The following TNFSF4 variants were observed in gnomAD, a reference collection of about 807,000 sequenced individuals.
TNFSF4 encodes tumor necrosis factor ligand superfamily member 4.
Under a neutral mutation model 7.3 loss-of-function variants are expected in TNFSF4, and 4 were observed. The observed-to-expected ratio is 0.55, with a 90% CI of 0.27 to 1.25. The LOEUF (loss-of-function observed/expected upper bound fraction) is 1.25, where lower values mean the gene tolerates loss of function less well. Ranked by LOEUF, TNFSF4 falls within the 50% of genes most tolerant of loss-of-function variation. TNFSF4 has a pLI of 0.12. For missense variants in TNFSF4, 181 were observed against 208.8 expected (o/e 0.87, Z 0.82); for synonymous variants, 76 against 83.7 (o/e 0.91, Z 0.50).
chr1:173,363,640 A>G, the TNFSF4 span: 4 of 380,450 alleles, frequency 1.1e-5, no homozygotes, highest in Non-Finnish European at 5.1e-6. Flanking sequence ...TGGATGTACT[A>G]CATTTGGAGA....
At chr1:173,399,745 C>T in the TNFSF4 span, among the ~76,000 whole-genome samples, 2 of 152,148 alleles carry the variant, frequency 1.3e-5, no homozygotes, top group Non-Finnish European at 2.9e-5. Context: ...TTTCCCCAAC[C>T]ACCCCTGTCA....
At chr1:173,392,280 C>T in the TNFSF4 span, among the ~76,000 whole-genome samples, 26 of 152,126 alleles carry the variant, frequency 1.7e-4, 1 homozygote, top group Admixed American at 1.7e-3. Context: ...AAAAATATTT[C>T]CAAATGTTAA....
the TNFSF4 span, among the ~76,000 whole-genome samples, chr1:173,413,565 G>A: frequency 6.6e-6 from 1 of 152,206 alleles, no homozygotes; most frequent in Non-Finnish European, 1.5e-5. Flanking sequence ...TGGAGGACTT[G>A]GTCATAGAAG....
the TNFSF4 span, among the ~76,000 whole-genome samples, chr1:173,176,364 G>A: frequency 6.6e-6 from 1 of 152,164 alleles, no homozygotes; most frequent in Non-Finnish European, 1.5e-5. Context: ...TCCCTCAGAT[G>A]TTGTGTCACT....
the TNFSF4 span, among the ~76,000 whole-genome samples, chr1:173,434,362 ACTT>A: frequency 6.6e-6 from 1 of 152,194 alleles, no homozygotes; most frequent in African/African-American, 2.4e-5. Context: ...CATTTTCTAA[ACTT>A]CTTTTTACAC....
the TNFSF4 span, among the ~76,000 whole-genome samples, chr1:173,439,032 CA>C: frequency 6.6e-6 from 1 of 152,186 alleles, no homozygotes; most frequent in African/African-American, 2.4e-5. Flanking sequence ...GAGTGAGTGA[CA>C]AGCTACGTGC....
At chr1:173,310,007 AGTTCTGT>A in the TNFSF4 span, among the ~76,000 whole-genome samples, 1 of 151,886 alleles carries the variant, frequency 6.6e-6, no homozygotes, top group Non-Finnish European at 1.5e-5. Context: ...AATGACTGTC[AGTTCTGT>A]ACTAATGTCA....
In TNFSF4 at chr1:173,186,847, C is replaced by G; in HGVS notation, c.221G>C (p.Gly74Ala). The G allele has an allele frequency of 6.3e-7, 1 of 1,598,488 alleles. No individual in the cohort carries two copies. The highest frequency in any genetic ancestry group is 1.1e-5 in the South Asian group (1 of 88,556). Residue 74 changes from glycine (G) to alanine (A), a missense_variant, in exon 3 of 3, where the codon GGT becomes GCT. Coordinates refer to ENST00000281834, the MANE Select transcript of TNFSF4 (RefSeq NM_003326.5). Reference sequence around the variant, plus strand: ...CTCCTTTTGGGAAGTGAGGATGAAACCTTTCTCCTTCTTATATTCTAGGGA... The same window carrying G: ...CTCCTTTTGGGAAGTGAGGATGAAAGCTTTCTCCTTCTTATATTCTAGGGA... Reference protein sequence around the residue: ...VQFTEYKKEKGFILTSQKEDE... With the variant: ...VQFTEYKKEKAFILTSQKEDE...
the TNFSF4 span, among the ~76,000 whole-genome samples, chr1:173,359,613 A>G: frequency 6.7e-6 from 1 of 148,784 alleles, no homozygotes. Context: ...ACATTGGCAT[A>G]TTGGATTACA....
At chr1:173,302,610 C>A in the TNFSF4 span, among the ~76,000 whole-genome samples, 1 of 151,960 alleles carries the variant, frequency 6.6e-6, no homozygotes, top group Non-Finnish European at 1.5e-5. Context: ...GTTCCTCCAA[C>A]TTCCAATCCC....
the TNFSF4 span, among the ~76,000 whole-genome samples, chr1:173,369,746 C>T: frequency 1.0e-3 from 158 of 152,218 alleles, no homozygotes; most frequent in African/African-American, 3.6e-3. Context: ...AAAATGGCCA[C>T]CTGAAGGGAG....
the TNFSF4 span, among the ~76,000 whole-genome samples, chr1:173,319,144 C>A: frequency 6.6e-6 from 1 of 152,298 alleles, no homozygotes; most frequent in East Asian, 1.9e-4. Context: ...CTAGGACAAT[C>A]AAGCTTGGTG....
the TNFSF4 span, among the ~76,000 whole-genome samples, chr1:173,264,393 C>G: frequency 6.7e-6 from 1 of 149,570 alleles, no homozygotes; most frequent in Non-Finnish European, 1.5e-5. Context: ...CTCCTGGGCC[C>G]AAGTGATTCT....
the TNFSF4 span, among the ~76,000 whole-genome samples, chr1:173,394,919 G>GATAGATAGATAGATAGAT: frequency 1.3e-4 from 19 of 150,010 alleles, no homozygotes; most frequent in African/African-American, 4.5e-4. Flanking sequence ...TAGATAGATA[G>GATAGATAGATAGATAGAT]AGATAGATAG....
At chr1:173,288,231 T>C in the TNFSF4 span, among the ~76,000 whole-genome samples, 2 of 152,098 alleles carry the variant, frequency 1.3e-5, no homozygotes, top group Non-Finnish European at 2.9e-5. Flanking sequence ...GGTGGGTGGA[T>C]TGCTTGATCT....
At chr1:173,415,955 G>T in the TNFSF4 span, among the ~76,000 whole-genome samples, 1 of 152,198 alleles carries the variant, frequency 6.6e-6, no homozygotes, top group Non-Finnish European at 1.5e-5. Flanking sequence ...GGAAGAAAAG[G>T]AATGTCATGA....
chr1:173,174,451 T>G, the TNFSF4 span: 1 of 152,216 alleles, frequency 6.6e-6, no homozygotes, highest in Admixed American at 6.5e-5. Context: ...CTCATGCTGC[T>G]ATAAAGAACT....
At chr1:173,236,529 T>G in the TNFSF4 span, among the ~76,000 whole-genome samples, 1 of 152,104 alleles carries the variant, frequency 6.6e-6, no homozygotes, top group Admixed American at 6.6e-5. Context: ...CCATGTTTAT[T>G]GTAGCAACCC....
chr1:173,317,102 C>G, the TNFSF4 span, among the ~76,000 whole-genome samples: 4 of 152,156 alleles, frequency 2.6e-5, no homozygotes, highest in Non-Finnish European at 5.9e-5. Flanking sequence ...TCTCTGGGAG[C>G]TTTGAGCTGC....
Sources: allele counts gnomAD v4.1 joint callset (sites outside exome capture counted in the v4.1 genomes callset), GRCh38; gene constraint gnomAD v4.1.1; transcripts MANE v1.5; gene names NCBI Gene and HGNC (gene_info 2026-07-23, HGNC 2026-07-21).